The following BMPR2 variants were observed in gnomAD, a reference collection of about 807,000 sequenced individuals.
BMPR2 encodes bone morphogenetic protein receptor type 2.
BMPR2 carries 29 observed loss-of-function variants against 100.8 expected under a neutral mutation model. The ratio of observed to expected loss-of-function variants is 0.29; its 90% CI spans 0.21 to 0.39. The LOEUF (loss-of-function observed/expected upper bound fraction) is 0.39, where lower values mean the gene tolerates loss of function less well. Ranked by LOEUF, BMPR2 falls within the 10% of genes least tolerant of loss-of-function variation. The pLI is 1.00. For missense variants in BMPR2, 1,011 were observed against 1,274.5 expected (o/e 0.79, Z 3.15); for synonymous variants, 382 against 442.3 (o/e 0.86, Z 1.71).
intron 8 of BMPR2, among the ~76,000 whole-genome samples, chr2:202,531,930 ATTTTTTTTTTTTTT>A (rs71035015): frequency 1.7e-4 from 9 of 52,278 alleles, no homozygotes; most frequent in Non-Finnish European, 2.2e-4. Context: ...GCCCAGCTGT[ATTTTTTTTTTTTTT>A]TTTTTTTTTT....
chr2:202,414,195 C>T (rs1171002182), intron 1 of BMPR2, among the ~76,000 whole-genome samples: 2 of 152,144 alleles, frequency 1.3e-5, no homozygotes, highest in Non-Finnish European at 2.9e-5. Context: ...TTAATTATTA[C>T]ATTTGTTATA....
At chr2:202,457,553 TATATATATAGAGAGAGAGAGAG>T (rs980736065) in intron 1 of BMPR2, among the ~76,000 whole-genome samples, 6 of 97,776 alleles carry the variant, frequency 6.1e-5, no homozygotes, top group African/African-American at 2.2e-4. Context: ...TATATATATA[TATATATATAGAGAGAGAGAGAG>T]AGAGAGAGAG....
intron 3 of BMPR2, among the ~76,000 whole-genome samples, chr2:202,474,300 A>G (rs1287603927): frequency 6.6e-6 from 1 of 151,670 alleles, no homozygotes; most frequent in African/African-American, 2.4e-5. Context: ...CTAAAAATAC[A>G]AAAAGTATAG....
At chr2:202,485,354 G>A (rs1692751111) in intron 3 of BMPR2, among the ~76,000 whole-genome samples, 1 of 151,746 alleles carries the variant, frequency 6.6e-6, no homozygotes, top group African/African-American at 2.4e-5. Flanking sequence ...CTAAAGCCAA[G>A]GTATTGGCTG....
chr2:202,454,162 C>T lies in BMPR2; in HGVS notation c.77-10647C>T, dbSNP rs372089166. Among the ~76,000 whole-genome samples the T allele has an allele frequency of 7.9e-5, 12 of 152,198 alleles. No homozygotes were observed. The East Asian group carries it at 1.2e-3, about 15-fold the overall frequency. On this transcript the variant is annotated intron_variant, in intron 1 of 12. Coordinates refer to ENST00000374580, the MANE Select transcript of BMPR2 (RefSeq NM_001204.7). The stretch of plus-strand genomic sequence containing the variant: ...TTGGGTTACTGCAATCACCACCTCC[C>T]GGGCTCAAGTGATCCTCCCACCCCA...
intron 1 of BMPR2, among the ~76,000 whole-genome samples, chr2:202,430,687 CG>C (rs965637848): frequency 6.6e-6 from 1 of 151,924 alleles, no homozygotes; most frequent in African/African-American, 2.4e-5. Context: ...TGGACAGGCG[CG>C]GTGGATCACA....
Position 202,532,492 on chromosome 2 carries a change from A to C in BMPR2, c.1129-93A>C. The C allele has an allele frequency of 6.9e-7, 1 of 1,453,650 alleles. No individual in the cohort carries two copies. Among genetic ancestry groups the C allele is most frequent in the Non-Finnish European group, 9.5e-7 (1 of 1,048,434 alleles). 90.0% of individuals were successfully genotyped at this position (1,453,650 alleles called of 1,614,324 possible). On this transcript the variant is annotated intron_variant, in intron 8 of 12. Coordinates refer to ENST00000374580, the MANE Select transcript of BMPR2 (RefSeq NM_001204.7). The surrounding 1 kb of genome is among the most constrained non-coding windows in gnomAD (Gnocchi z 4.1). ...ATGGTTAGGGTCAAATAACATTGACATGACTAAGATTTATATATAACTTCT... is the reference window on the plus strand; with the variant it reads ...ATGGTTAGGGTCAAATAACATTGACCTGACTAAGATTTATATATAACTTCT...
At chr2:202,435,708 A>G (rs1321016211) in intron 1 of BMPR2, among the ~76,000 whole-genome samples, 2 of 150,018 alleles carry the variant, frequency 1.3e-5, no homozygotes, top group Admixed American at 6.6e-5. Context: ...AGTGCCCTAT[A>G]CAGGTATACC....
chr2:202,507,697 ATCT>A (rs564811744), intron 3 of BMPR2, among the ~76,000 whole-genome samples: 1,453 of 143,458 alleles, frequency 0.01, 18 homozygotes, highest in African/African-American at 0.034. Context: ...GCCTTTTTTC[ATCT>A]TTTTTTTTTT....
At chr2:202,388,035 G>T (rs1448585301) in intron 1 of BMPR2, among the ~76,000 whole-genome samples, 2 of 152,034 alleles carry the variant, frequency 1.3e-5, no homozygotes, top group Non-Finnish European at 2.9e-5. Flanking sequence ...ACGTTATCAA[G>T]AATGCTAATC....
At chr2:202,454,253 TAGAGATA>T (rs1692044716) in intron 1 of BMPR2, among the ~76,000 whole-genome samples, 1 of 151,912 alleles carries the variant, frequency 6.6e-6, no homozygotes, top group African/African-American at 2.4e-5. Flanking sequence ...GTATTTTTGG[TAGAGATA>T]GGGTTTTGCC....
At chr2:202,487,354 G>A (rs72925080) in intron 3 of BMPR2, among the ~76,000 whole-genome samples, 25,522 of 152,052 alleles carry the variant, frequency 0.17, 2,460 homozygotes, top group Middle Eastern at 0.24. Context: ...TCTGTATAAT[G>A]AATCAGATTC....
chr2:202,477,775 A>G (rs1474460005), intron 3 of BMPR2, among the ~76,000 whole-genome samples: 1 of 152,144 alleles, frequency 6.6e-6, no homozygotes, highest in African/African-American at 2.4e-5. Context: ...CGACAGAGTG[A>G]GACTCCATCT....
chr2:202,448,471 A>AAT (rs1691902039), intron 1 of BMPR2, among the ~76,000 whole-genome samples: 1 of 110,160 alleles, frequency 9.1e-6, no homozygotes, highest in South Asian at 2.8e-4. Flanking sequence ...AATAAAAAAT[A>AAT]AAAAAAAAAA....
chr2:202,542,577 AT>A, intron 10 of BMPR2, 130 bp downstream of exon 10: 1 of 1,163,034 alleles, frequency 8.6e-7, no homozygotes, highest in Non-Finnish European at 1.2e-6. Context: ...ATCAAACTTG[AT>A]TTTTATGATG....
chr2:202,529,837 C>T (rs1190606671), intron 7 of BMPR2, among the ~76,000 whole-genome samples: 1 of 152,128 alleles, frequency 6.6e-6, no homozygotes, highest in African/African-American at 2.4e-5. Context: ...TACAAATCCT[C>T]AGTAAATGTA....
chr2:202,448,603 C>A (rs1027388139), intron 1 of BMPR2, among the ~76,000 whole-genome samples: 2 of 151,322 alleles, frequency 1.3e-5, no homozygotes, highest in Non-Finnish European at 2.9e-5. Flanking sequence ...ACTACAGGCA[C>A]GTGCCACCAT....
At chr2:202,470,231 A>G (rs1424009793) in intron 3 of BMPR2, among the ~76,000 whole-genome samples, 1 of 152,010 alleles carries the variant, frequency 6.6e-6, no homozygotes, top group East Asian at 1.9e-4. Flanking sequence ...AATCCCATCT[A>G]CCCAGGAGGC....
intron 1 of BMPR2, among the ~76,000 whole-genome samples, chr2:202,450,684 T>A (rs963058640): frequency 7.2e-5 from 6 of 83,678 alleles, no homozygotes; most frequent in Non-Finnish European, 1.4e-4. Context: ...AAAGTGAAAC[T>A]CCATCTCAAA....
Sources: allele counts gnomAD v4.1 joint callset (sites outside exome capture counted in the v4.1 genomes callset), GRCh38; gene constraint gnomAD v4.1.1; non-coding constraint Gnocchi (gnomAD v3.1); transcripts MANE v1.5; gene names NCBI Gene and HGNC (gene_info 2026-07-23, HGNC 2026-07-21).